The following UBQLN3 variants were observed in gnomAD, a reference collection of about 807,000 sequenced individuals.
The protein encoded by UBQLN3 is ubiquilin 3, also known as ubiquilin-3.
Under a neutral mutation model 2.9 loss-of-function variants are expected in UBQLN3, and 1 was observed. That is an observed-to-expected ratio of 0.35 (90% CI 0.12 to 1.66). UBQLN3 has a LOEUF of 1.66. Ranked by LOEUF, UBQLN3 falls within the 40% of genes most tolerant of loss-of-function variation. UBQLN3 has a pLI of 0.35. For missense variants in UBQLN3, 924 were observed against 816.5 expected (o/e 1.13, Z -1.61); for synonymous variants, 358 against 317.6 (o/e 1.13, Z -1.35).
At position 5,507,879 on chromosome 11, in the gene UBQLN3, C is replaced by T; in HGVS notation, c.1680G>A (p.Glu560=). 1.2e-6 allele frequency: 2 copies of T among 1,613,812 alleles called. No individual in the cohort carries two copies. Among genetic ancestry groups the T allele is most frequent in the South Asian group, 1.1e-5 (1 of 91,084 alleles). ...CAGACATAAGGGGATCTTCTCTAGA[C>T]TCTATACCTCCTGCCACACTACCCG... ...AGTGSVAGGI[E]SREDPLMSED... is the part of the protein sequence containing the mutation. Residue 560 remains glutamate (E), a synonymous_variant, in exon 2 of 2, where the codon GAG becomes GAA. Transcript: ENST00000311659.
chr11:5,507,565 A>G lies in UBQLN3; in HGVS notation c.*26T>C. 3.2e-6 allele frequency: 5 copies of G among 1,552,956 alleles called. No individual in the cohort carries two copies. The highest frequency in any genetic ancestry group is 4.4e-6 in the Non-Finnish European group (5 of 1,149,004). On this transcript the variant is annotated 3_prime_UTR_variant, in exon 2 of 2. Coordinates refer to ENST00000311659, the MANE Select transcript of UBQLN3 (RefSeq NM_017481.4). Reference sequence around the variant, plus strand: ...ATATGGGAAAAAGGCACAGAGGAAAACGTATGGTTTGAATGAATAAGGCTC... The same window carrying G: ...ATATGGGAAAAAGGCACAGAGGAAAGCGTATGGTTTGAATGAATAAGGCTC...
rs570150468 is a variant in UBQLN3, at chr11:5,509,265, C to T, written c.294G>A (p.Met98Ile). 7.4e-6 allele frequency: 12 copies of T among 1,614,158 alleles called. No homozygotes were observed. In the South Asian group the frequency reaches 1.1e-4, roughly 15 times the overall value. Residue 98 changes from methionine to isoleucine, a missense_variant, in exon 2 of 2, where the codon ATG becomes ATA. Transcript: ENST00000311659. ...CAGAGGCAGCTGGGCACTCATTGCC[C>T]ATGGCACGGTGCTGCCTCTTGATGA... Reference protein sequence around the residue: ...HLVIKRQHRAMGNECPAASVP... With the variant: ...HLVIKRQHRAIGNECPAASVP...
Position 5,508,905 on chromosome 11 carries a change from C to A in UBQLN3, c.654G>T (p.Arg218=). 6.2e-7 allele frequency: 1 copy of A among 1,614,218 alleles called. No homozygotes were observed. The highest frequency in any genetic ancestry group is 8.5e-7 in the Non-Finnish European group (1 of 1,180,044). ...GHILNNPEIM[R]QTLEFLRNPA... is the part of the protein sequence containing the mutation. The stretch of plus-strand genomic sequence containing the variant: ...GGTTACGTAAAAACTCCAGTGTCTG[C>A]CGCATAATTTCCGGGTTGTTAAGAA... The change falls in exon 2 of 2, where the codon CGG becomes CGT. Residue 218 remains arginine (R), a synonymous_variant. Coordinates refer to ENST00000311659, the MANE Select transcript of UBQLN3 (RefSeq NM_017481.4). This position sits in a 1 kb window ranked among gnomAD's most constrained non-coding sequence, Gnocchi z 4.2.
rs1846423037 is a variant in UBQLN3, at chr11:5,508,656, A to AG, written c.902dup (p.Leu302SerfsTer14). On this transcript the variant is annotated frameshift_variant, in exon 2 of 2. Coordinates refer to ENST00000311659, the MANE Select transcript of UBQLN3 (RefSeq NM_017481.4). LOFTEE classifies it low-confidence loss of function (END_TRUNC). This position sits in a 1 kb window ranked among gnomAD's most constrained non-coding sequence, Gnocchi z 4.2. ...GTGTGGAAGTCCAGGGGTTGGGGAGAGGGTCACAATTCTCCATCCTTGAAG... is the reference window on the plus strand; with the variant it reads ...GTGTGGAAGTCCAGGGGTTGGGGAGAGGGGTCACAATTCTCCATCCTTGAAG... The AG allele has an allele frequency of 6.2e-7, 1 of 1,613,708 alleles. No individual in the cohort carries two copies. Among genetic ancestry groups the AG allele is most frequent in the Non-Finnish European group, 8.5e-7 (1 of 1,179,958 alleles).
Position 5,509,363 on chromosome 11 carries a change from C to T in UBQLN3, c.196G>A (p.Ala66Thr). Reference sequence around the variant, plus strand: ...TCAGGATCCTTGAGGATTTTGCCAGCAAAGATTAGAACAAGCTGATCGGGG... The same window carrying T: ...TCAGGATCCTTGAGGATTTTGCCAGTAAAGATTAGAACAAGCTGATCGGGG... ...AHPDQLVLIF[A>T]GKILKDPDSL... is the part of the protein sequence containing the mutation. The change falls in exon 2 of 2, where the codon GCT (alanine) becomes ACT (threonine). Residue 66 changes from alanine (A) to threonine (T), a missense_variant. By Grantham distance (58) the Ala-to-Thr change is moderately conservative. Transcript: ENST00000311659. The T allele has an allele frequency of 6.2e-7, 1 of 1,614,150 alleles. No homozygotes were observed.
At chr11:5,509,818 A>G in intron 1 of UBQLN3, 56 bp downstream of exon 1, 1 of 507,632 alleles carries the variant, frequency 2.0e-6, no homozygotes, top group South Asian at 2.5e-5. Context: ...AGAGGTCTGT[A>G]GTTGATGAAT....
intron 1 of UBQLN3, 73 bp from the exon 2 acceptor site, chr11:5,509,667 A>G (rs1590038560): frequency 6.9e-7 from 1 of 1,459,552 alleles, no homozygotes; most frequent in Non-Finnish European, 9.0e-7. Context: ...TGAGTATGAA[A>G]AGGGTCTTGA....
At position 5,509,248 on chromosome 11, in the gene UBQLN3, G is replaced by A. The variant is rs1474490367; in HGVS notation, c.311C>T (p.Ala104Val). The A allele has an allele frequency of 1.9e-6, 3 of 1,614,206 alleles. No homozygotes were observed. Among genetic ancestry groups the A allele is most frequent in the East Asian group, 2.2e-5 (1 of 44,868 alleles). The change falls in exon 2 of 2, where the codon GCT becomes GTT. Residue 104 changes from alanine to valine, a missense_variant. Transcript: ENST00000311659. ...QHRAMGNECPAASVPTQGPSP... is the reference protein window; with the variant it reads ...QHRAMGNECPVASVPTQGPSP... ...TGGGCCCTGGGTAGGGACAGAGGCA[G>A]CTGGGCACTCATTGCCCATGGCACG... is the stretch of plus-strand genomic sequence containing the variant.
Position 5,507,867 on chromosome 11 carries a change from A to T in UBQLN3, c.1692T>A (p.Asp564Glu). Residue 564 changes from aspartate to glutamate, a missense_variant, in exon 2 of 2, where the codon GAT (aspartate) becomes GAA (glutamate). Transcript: ENST00000311659. ...GGAGAGGATCCTCAGACATAAGGGG[A>T]TCTTCTCTAGACTCTATACCTCCTG... ...SVAGGIESREDPLMSEDPLPN... is the reference protein window; with the variant it reads ...SVAGGIESREEPLMSEDPLPN... 6.2e-7 allele frequency: 1 copy of T among 1,613,776 alleles called. No individual in the cohort carries two copies. Among genetic ancestry groups the T allele is most frequent in the Non-Finnish European group, 8.5e-7 (1 of 1,180,026 alleles).
In UBQLN3 at chr11:5,508,187, C is replaced by A; in HGVS notation, c.1372G>T (p.Ala458Ser). ...GCCGTGGGGGAAAAAGATAAGGGAG[C>A]AAATGGAACCCTGTTGGCAGAATCT... ...LGDSANRVPF[A>S]PLSFSPTAAI... Residue 458 changes from alanine to serine, a missense_variant, in exon 2 of 2, where the codon GCT becomes TCT. Coordinates refer to ENST00000311659, the MANE Select transcript of UBQLN3 (RefSeq NM_017481.4). This position sits in a 1 kb window ranked among gnomAD's most constrained non-coding sequence, Gnocchi z 4.2. 6.2e-7 allele frequency: 1 copy of A among 1,614,144 alleles called. No homozygotes were observed. Among genetic ancestry groups the A allele is most frequent in the Non-Finnish European group, 8.5e-7 (1 of 1,180,026 alleles).
Position 5,508,452 on chromosome 11 carries a change from T to C in UBQLN3, c.1107A>G (p.Gln369=). Residue 369 remains glutamine (Q), a synonymous_variant, in exon 2 of 2, where the codon CAA becomes CAG. Coordinates refer to ENST00000311659, the MANE Select transcript of UBQLN3 (RefSeq NM_017481.4). The surrounding 1 kb of genome is among the most constrained non-coding windows in gnomAD (Gnocchi z 4.2). ...YLQGTASALS[Q]SQEPPPSVNR... is the part of the protein sequence containing the mutation. ...TTACTGATGGTGGTGGTTCCTGGCT[T>C]TGGCTGAGGGCAGATGCAGTCCCCT... 2 of 1,608,686 alleles carry C rather than the reference T, an allele frequency of 1.2e-6. No homozygotes were observed. Among genetic ancestry groups the C allele is most frequent in the Non-Finnish European group, 1.7e-6 (2 of 1,177,298 alleles).
chr11:5,509,762 T>C, intron 1 of UBQLN3, 112 bp downstream of exon 1: 1 of 811,966 alleles, frequency 1.2e-6, no homozygotes, highest in Non-Finnish European at 1.8e-6. Context: ...GATTGCGGGA[T>C]TGAGATATGT....
At position 5,508,623 on chromosome 11, in the gene UBQLN3, G is replaced by A. The variant is rs184537471; in HGVS notation, c.936C>T (p.Gly312=). The A allele has an allele frequency of 1.2e-6, 2 of 1,614,078 alleles. No individual in the cohort carries two copies. The highest frequency in any genetic ancestry group is 1.3e-5 in the African/African-American group (1 of 75,006). The change falls in exon 2 of 2, where the codon GGC becomes GGT. Residue 312 remains glycine, a synonymous_variant. Coordinates refer to ENST00000311659, the MANE Select transcript of UBQLN3 (RefSeq NM_017481.4). This position sits in a 1 kb window ranked among gnomAD's most constrained non-coding sequence, Gnocchi z 4.2. The part of the protein sequence containing the change: ...LPNPWTSTHG[G]SGSRQGRQDG... ...CCTGCCTTCCTTGCCTGCTACCTGA[G>A]CCTCCATGTGTGGAAGTCCAGGGGT...
Position 5,509,337 on chromosome 11 carries a change from G to A in UBQLN3, c.222C>T (p.Asp74=). The A allele has an allele frequency of 6.2e-7, 1 of 1,614,222 alleles. No homozygotes were observed. Among genetic ancestry groups the A allele is most frequent in the Non-Finnish European group, 8.5e-7 (1 of 1,180,044 alleles). The change falls in exon 2 of 2, where the codon GAC becomes GAT. Residue 74 remains aspartate, a synonymous_variant. Coordinates refer to ENST00000311659, the MANE Select transcript of UBQLN3 (RefSeq NM_017481.4). The part of the protein sequence containing the change: ...IFAGKILKDP[D]SLAQCGVRDG... ...CTCGCACTCCACACTGTGCCAGTGAGTCAGGATCCTTGAGGATTTTGCCAG... is the reference window on the plus strand; with the variant it reads ...CTCGCACTCCACACTGTGCCAGTGAATCAGGATCCTTGAGGATTTTGCCAG...
rs374735803 is a variant in UBQLN3 at position 5,509,103 on chromosome 11, G to A, written c.456C>T (p.Asp152=). 2.6e-5 allele frequency: 42 copies of A among 1,614,056 alleles called. No individual in the cohort carries two copies. The highest frequency in any genetic ancestry group is 3.1e-5 in the Non-Finnish European group (37 of 1,180,044). Residue 152 remains aspartate, a synonymous_variant, in exon 2 of 2, where the codon GAC becomes GAT. Transcript: ENST00000311659. ...RLGLAYRGFP[D]QPSSLMRQHV... Reference sequence around the variant, plus strand: ...GCTGCCGCATCAGGGAGCTTGGCTGGTCAGGGAAGCCACGATAGGCCAAGC... The same window carrying A: ...GCTGCCGCATCAGGGAGCTTGGCTGATCAGGGAAGCCACGATAGGCCAAGC...
rs145140461 is a variant in UBQLN3, at chr11:5,508,930, A to G, written c.629T>C (p.Ile210Thr). The G allele has an allele frequency of 3.2e-5, 51 of 1,614,228 alleles. No individual in the cohort carries two copies. The African/African-American group carries it at 6.0e-4, about 19-fold the overall frequency. Residue 210 changes from isoleucine (I) to threonine (T), a missense_variant, in exon 2 of 2, where the codon ATT (isoleucine) becomes ACT (threonine). By Grantham distance (89) the Ile-to-Thr change is moderately conservative. Coordinates refer to ENST00000311659, the MANE Select transcript of UBQLN3 (RefSeq NM_017481.4). This position sits in a 1 kb window ranked among gnomAD's most constrained non-coding sequence, Gnocchi z 4.2. ...CCGCATAATTTCCGGGTTGTTAAGA[A>G]TATGCCCAATCTCAGGGTTGTGCTG... ...LIQHNPEIGH[I>T]LNNPEIMRQT...
Position 5,507,396 on chromosome 11 carries a change from TCA to T in UBQLN3, c.*193_*194del. The T allele has an allele frequency of 1.7e-6, 2 of 1,160,826 alleles. No homozygotes were observed. Among genetic ancestry groups the T allele is most frequent in the Non-Finnish European group, 1.2e-6 (1 of 863,174 alleles). 71.9% of individuals were successfully genotyped at this position (1,160,826 alleles called of 1,614,324 possible). A position where few individuals can be genotyped will look rare whatever the true frequency, so the allele number is the denominator to read the frequency against. ...TGGTATAGTGGTACAAGTGGTTGAC[TCA>T]CACACAGCACCTCCACTATGTTTTG... On this transcript the variant is annotated 3_prime_UTR_variant, in exon 2 of 2. Coordinates refer to ENST00000311659, the MANE Select transcript of UBQLN3 (RefSeq NM_017481.4).
chr11:5,507,764 G>A lies in UBQLN3; in HGVS notation c.1795C>T (p.Leu599=). ...GGATTTGTACTAACTAAATCTTGCA[G>A]CATATGGAGAAAGGGAGGGGAAAGG... is the stretch of plus-strand genomic sequence containing the variant. ...GFLSPPFLHM[L]QDLVSTNPQQ... is the part of the protein sequence containing the mutation. Residue 599 remains leucine (L), a synonymous_variant, in exon 2 of 2, where the codon CTG becomes TTG. Transcript: ENST00000311659. 1 of 1,614,130 alleles carries A rather than the reference G, an allele frequency of 6.2e-7. No homozygotes were observed. Among genetic ancestry groups the A allele is most frequent in the Non-Finnish European group, 8.5e-7 (1 of 1,180,012 alleles).
chr11:5,507,996 C>T lies in UBQLN3; in HGVS notation c.1563G>A (p.Leu521=). 6.2e-7 allele frequency: 1 copy of T among 1,614,070 alleles called. No homozygotes were observed. The highest frequency in any genetic ancestry group is 8.5e-7 in the Non-Finnish European group (1 of 1,180,040). ...CCTGCTCAATCTGCCGCAGGGCTTG[C>T]AGGGCACGGGGGTTTGCCATGGCTG... The part of the protein sequence containing the change: ...LQAAMANPRA[L]QALRQIEQGL... Residue 521 remains leucine, a synonymous_variant, in exon 2 of 2, where the codon CTG becomes CTA. Transcript: ENST00000311659.
Sources: gnomAD v4.1 joint callset for allele counts on GRCh38, gnomAD v4.1.1 for gene constraint, Gnocchi (gnomAD v3.1) non-coding constraint, MANE v1.5 for transcripts, NCBI Gene and HGNC (gene_info 2026-07-23, HGNC 2026-07-21) for gene names.